The following TMEM94 variants were observed in gnomAD, a reference collection of about 807,000 sequenced individuals.
The protein encoded by TMEM94 is transmembrane protein 94, also known as ER Mg2+ ATPase.
TMEM94 carries 81 observed loss-of-function variants against 158.6 expected under a neutral mutation model. The observed-to-expected ratio is 0.51, with a 90% CI of 0.43 to 0.61. The LOEUF is 0.61. TMEM94 is among the 20% of genes least tolerant of loss of function. The pLI is 0.00. For synonymous variants in TMEM94, 751 were observed against 730.7 expected (o/e 1.03, Z -0.45); for missense variants, 1,435 against 1,762.0 (o/e 0.81, Z 3.32).
rs368871347 is a variant in TMEM94, at chr17:75,490,676, G to A, written c.1072-26G>A. 1.3e-5 allele frequency: 21 copies of A among 1,611,638 alleles called. No individual in the cohort carries two copies. The African/African-American group carries it at 2.3e-4, about 17-fold the overall frequency. On this transcript the variant is annotated intron_variant, in intron 10 of 31. Coordinates refer to ENST00000314256, the MANE Select transcript of TMEM94 (RefSeq NM_014738.6). ...GTGTGAAGGCGGCGTTTTCCTCACT[G>A]AGGACCTCACCCTCTCTCCGTGCAG... is the stretch of plus-strand genomic sequence containing the variant.
At chr17:75,469,221 A>G (rs1401794720) in intron 1 of TMEM94, among the ~76,000 whole-genome samples, 1 of 152,178 alleles carries the variant, frequency 6.6e-6, no homozygotes, top group Non-Finnish European at 1.5e-5. Flanking sequence ...GCACGTGGAA[A>G]GAAGTCAGTG....
Position 75,497,098 on chromosome 17 carries a change from T to G in TMEM94, c.3322-15T>G. 2 of 1,611,708 alleles carry G rather than the reference T, an allele frequency of 1.2e-6. No individual in the cohort carries two copies. The highest frequency in any genetic ancestry group is 1.7e-6 in the Non-Finnish European group (2 of 1,177,736). On this transcript the variant is annotated splice_polypyrimidine_tract_variant and intron_variant, in intron 25 of 31. Coordinates refer to ENST00000314256, the MANE Select transcript of TMEM94 (RefSeq NM_014738.6). ...CTGAATTGAACTGTGGCTCTTGGCT[T>G]CTTTCCTGGTCTAGTTCCTTTCTTG...
Position 75,496,713 on chromosome 17 carries a change from T to A in TMEM94, c.3244-17T>A, listed in dbSNP as rs768916521. The A allele has an allele frequency of 2.5e-6, 4 of 1,612,884 alleles. No individual in the cohort carries two copies. The South Asian group carries it at 4.4e-5, about 18-fold the overall frequency. On this transcript the variant is annotated splice_polypyrimidine_tract_variant and intron_variant, in intron 24 of 31. Coordinates refer to ENST00000314256, the MANE Select transcript of TMEM94 (RefSeq NM_014738.6). ...CCAGGTAGACCCAGGCCATAATCTG[T>A]CCCTCTTGGTCCCTAGGCTCGGCAT...
Position 75,495,492 on chromosome 17 carries a change from G to A in TMEM94, c.2845-52G>A. On this transcript the variant is annotated intron_variant, in intron 21 of 31. Coordinates refer to ENST00000314256, the MANE Select transcript of TMEM94 (RefSeq NM_014738.6). The surrounding 1 kb of genome is among the most constrained non-coding windows in gnomAD (Gnocchi z 5.6). ...AGAGGTGGTGGGCAGGCGGTGGAGG[G>A]GAGGGATGCTGATCCCCATCCCGAA... 1 of 1,593,836 alleles carries A rather than the reference G, an allele frequency of 6.3e-7. No individual in the cohort carries two copies. The highest frequency in any genetic ancestry group is 1.1e-5 in the South Asian group (1 of 90,454).
At position 75,463,108 on chromosome 17, in the gene TMEM94, A is replaced by ATATATATG. The variant is rs1274254707; in HGVS notation, c.-107+6365_-107+6372dup. Among the ~76,000 whole-genome samples, 4 of 12,886 alleles carry ATATATATG rather than the reference A, an allele frequency of 3.1e-4. No individual in the cohort carries two copies. In the African/African-American group the frequency reaches 5.9e-3, roughly 19 times the overall value. 8.5% of individuals were successfully genotyped at this position (12,886 alleles called of 152,430 possible). A position where few individuals can be genotyped will look rare whatever the true frequency, so the allele number is the denominator to read the frequency against. On this transcript the variant is annotated intron_variant, in intron 1 of 31. Coordinates refer to ENST00000314256, the MANE Select transcript of TMEM94 (RefSeq NM_014738.6). ...CACACACACACATATATATGTGTGT[A>ATATATATG]TATATATGTATATATATACGTGTAT...
chr17:75,493,455 G>A, intron 16 of TMEM94, 36 bp from the exon 17 acceptor site: 1 of 1,599,628 alleles, frequency 6.3e-7, no homozygotes, highest in East Asian at 2.2e-5. Context: ...GAGGGGGCTG[G>A]TTAGCGACAC....
intron 2 of TMEM94, among the ~76,000 whole-genome samples, chr17:75,484,261 A>G (rs924020560): frequency 3.3e-5 from 5 of 151,982 alleles, no homozygotes; most frequent in Non-Finnish European, 5.9e-5. Flanking sequence ...GTTATAGAAG[A>G]TGGTGGGTTT....
intron 2 of TMEM94, among the ~76,000 whole-genome samples, chr17:75,482,432 T>C (rs1014794658): frequency 1.3e-5 from 2 of 151,616 alleles, no homozygotes; most frequent in African/African-American, 4.8e-5. Flanking sequence ...CGCTGGAGCC[T>C]GAGAGGTGTA....
Position 75,494,608 on chromosome 17 carries a change from C to T in TMEM94, c.2408-19C>T. ...CTGGGTGTCCTGATCGGGCTGTGTC[C>T]TGTGTGTCCTGCCTGAAGAAGGGAT... On this transcript the variant is annotated intron_variant, in intron 18 of 31. Transcript: ENST00000314256. The T allele has an allele frequency of 6.2e-7, 1 of 1,611,804 alleles. No individual in the cohort carries two copies. Among genetic ancestry groups the T allele is most frequent in the Non-Finnish European group, 8.5e-7 (1 of 1,179,058 alleles).
rs1170001726 is a variant in TMEM94 at position 75,471,871 on chromosome 17, C to T, written c.-35C>T. On this transcript the variant is annotated 5_prime_UTR_variant, in exon 2 of 32. Transcript: ENST00000314256. Reference sequence around the variant, plus strand: ...GGAGCCTTCCTTTCAGGGGTGACCACATTCATCTGGGCATGCCTGCAGTAC... The same window carrying T: ...GGAGCCTTCCTTTCAGGGGTGACCATATTCATCTGGGCATGCCTGCAGTAC... 6.2e-7 allele frequency: 1 copy of T among 1,613,498 alleles called. No individual in the cohort carries two copies. The highest frequency in any genetic ancestry group is 2.2e-5 in the East Asian group (1 of 44,876).
intron 2 of TMEM94, among the ~76,000 whole-genome samples, chr17:75,477,476 T>G (rs1299768817): frequency 6.6e-6 from 1 of 152,028 alleles, no homozygotes; most frequent in Non-Finnish European, 1.5e-5. Context: ...CTCGAACTCC[T>G]GGGCTCAAGC....
intron 27 of TMEM94, 105 bp downstream of exon 27, chr17:75,497,967 A>G (rs2052894098): frequency 2.5e-6 from 3 of 1,221,890 alleles, no homozygotes; most frequent in Non-Finnish European, 3.5e-6. Context: ...GGGGGATTCC[A>G]GCAGAACTCC....
chr17:75,488,208 A>C, intron 6 of TMEM94, 74 bp downstream of exon 6: 1 of 1,450,298 alleles, frequency 6.9e-7, no homozygotes, highest in Non-Finnish European at 9.6e-7. Context: ...GGGTCCCCAG[A>C]CTTCATCCGG....
Position 75,489,241 on chromosome 17 carries a change from G to T in TMEM94, c.765-25G>T. ...GGTTTCTAGCCTCTCTGCCAAGTGA[G>T]ACTGACAGTCACTTCTTTCTGCAGA... On this transcript the variant is annotated intron_variant, in intron 7 of 31. Transcript: ENST00000314256. This position sits in a 1 kb window ranked among gnomAD's most constrained non-coding sequence, Gnocchi z 5.0. 1 of 1,607,636 alleles carries T rather than the reference G, an allele frequency of 6.2e-7. No homozygotes were observed. Among genetic ancestry groups the T allele is most frequent in the Middle Eastern group, 1.7e-4 (1 of 6,046 alleles).
At chr17:75,497,263 CAGCCCCAGG>C in intron 26 of TMEM94, 65 bp downstream of exon 26, 1 of 1,381,556 alleles carries the variant, frequency 7.2e-7, no homozygotes, top group Non-Finnish European at 1.0e-6. Context: ...TGTCACTGTG[CAGCCCCAGG>C]AGCCCAAGGT....
chr17:75,490,253 TCC>T lies in TMEM94; in HGVS notation c.975_976del (p.Leu326ProfsTer34). ...TCCCAGGTGAATGGCGTCCTGCCCA[TCC>T]TCCCCCTGCTCTTTCCAGTCCTCTG... On this transcript the variant is annotated frameshift_variant, in exon 10 of 32. Transcript: ENST00000314256. LOFTEE classifies it high-confidence loss of function. 6.2e-7 allele frequency: 1 copy of T among 1,614,034 alleles called. No individual in the cohort carries two copies. Among genetic ancestry groups the T allele is most frequent in the Non-Finnish European group, 8.5e-7 (1 of 1,179,988 alleles).
In TMEM94 at chr17:75,493,577, C is replaced by T. The variant is rs760054017; in HGVS notation, c.2173C>T (p.Leu725Phe). 2 of 1,614,008 alleles carry T rather than the reference C, an allele frequency of 1.2e-6. No individual in the cohort carries two copies. The highest frequency in any genetic ancestry group is 1.1e-5 in the South Asian group (1 of 91,090). The change falls in exon 17 of 32, where the codon CTC (leucine) becomes TTC (phenylalanine). Residue 725 changes from leucine (L) to phenylalanine (F), a missense_variant. By Grantham distance (22) the Leu-to-Phe change is conservative. This residue lies in a region of TMEM94 where 1,051 missense variants were observed against 1,254.4 expected (regional missense o/e 0.84). Transcript: ENST00000314256. ...CTGGGACGGAGCTGACATCTACCCT[C>T]TCTCGGGATCTGACAGGTGGGTGAG... ...DFWDGADIYP[L>F]SGSDRKKVLD... is the part of the protein sequence containing the mutation.
chr17:75,473,400 C>T (rs2050566719), intron 2 of TMEM94, among the ~76,000 whole-genome samples: 1 of 152,176 alleles, frequency 6.6e-6, no homozygotes, highest in Non-Finnish European at 1.5e-5. Flanking sequence ...CTGCACTGCT[C>T]AGTTCCAAGG....
chr17:75,490,417 G>T, intron 10 of TMEM94, 67 bp downstream of exon 10: 1 of 1,548,478 alleles, frequency 6.5e-7, no homozygotes. Flanking sequence ...TGTGCCAGAG[G>T]ACGGGGGCAG....
Sources: allele counts gnomAD v4.1 joint callset (sites outside exome capture counted in the v4.1 genomes callset), GRCh38; gene constraint gnomAD v4.1.1; regional missense constraint gnomAD v4.1.1; non-coding constraint Gnocchi (gnomAD v3.1); transcripts MANE v1.5; gene names NCBI Gene and HGNC (gene_info 2026-07-23, HGNC 2026-07-21).